Variants in JPT1 observed in about 807,000 individuals in gnomAD.
The protein encoded by JPT1 is androgen-regulated protein 2.
A neutral mutation model predicts 17.0 loss-of-function variants in JPT1; 5 were observed. The observed-to-expected ratio is 0.29, with a 90% CI of 0.15 to 0.62. JPT1 has a LOEUF of 0.62. Among genes scored for constraint, JPT1 ranks in the 20% least tolerant of loss-of-function variants. The pLI is 0.85. For synonymous variants in JPT1, 71 were observed against 73.6 expected, an observed-to-expected ratio of 0.96 and a Z score of 0.18; for missense variants, 158 against 188.1, an observed-to-expected ratio of 0.84 and a Z score of 0.94.
chr17:75,139,705 A>C (rs1039998421), intron 4 of JPT1, among the ~76,000 whole-genome samples: 14 of 152,026 alleles, frequency 9.2e-5, no homozygotes, highest in African/African-American at 3.4e-4. Context: ...GTATTCACAG[A>C]TACTCGGGAG....
chr17:75,152,906 T>C (rs188565829), intron 1 of JPT1: 2 of 152,308 alleles, frequency 1.3e-5, no homozygotes, highest in Non-Finnish European at 2.9e-5. Flanking sequence ...TAATCTTACC[T>C]AGTCTTTTTG....
intron 4 of JPT1, among the ~76,000 whole-genome samples, chr17:75,137,534 T>G (rs9896254): frequency 0.5 from 75,496 of 150,436 alleles, 21,554 homozygotes; most frequent in Non-Finnish European, 0.65. Context: ...TTTTGTTTTT[T>G]TTTTTTTTTT....
In JPT1 at chr17:75,154,461, C is replaced by T; in HGVS notation, c.-64G>A. ...CGCTCAAAGGGTCGGACCCGAGGGGCGCTGGGAAACTCCACACCCAACAGC... is the reference window on the plus strand; with the variant it reads ...CGCTCAAAGGGTCGGACCCGAGGGGTGCTGGGAAACTCCACACCCAACAGC... On this transcript the variant is annotated 5_prime_UTR_variant, in exon 1 of 5. Transcript: ENST00000409753. 6.9e-7 allele frequency: 1 copy of T among 1,455,848 alleles called. No individual in the cohort carries two copies. The highest frequency in any genetic ancestry group is 9.3e-7 in the Non-Finnish European group (1 of 1,076,960). The allele number at this position is 1,455,848 out of a possible 1,614,324, so 90.2% of individuals were successfully genotyped here. A position where few individuals can be genotyped will look rare whatever the true frequency, so the allele number is the denominator to read the frequency against.
At chr17:75,144,513 A>C (rs556183939) in intron 4 of JPT1, among the ~76,000 whole-genome samples, 1 of 152,220 alleles carries the variant, frequency 6.6e-6, no homozygotes, top group East Asian at 1.9e-4. Flanking sequence ...TTCAGTTTAG[A>C]AAAAAATAAA....
intron 4 of JPT1, chr17:75,142,892 AC>A: frequency 7.4e-6 from 3 of 405,526 alleles, no homozygotes; most frequent in South Asian, 5.2e-5. Flanking sequence ...AAATACACAC[AC>A]ACACACACAA....
At position 75,136,078 on chromosome 17, in the gene JPT1, C is replaced by T. The variant is rs538402976; in HGVS notation, c.*24G>A. 6 of 1,614,162 alleles carry T rather than the reference C, an allele frequency of 3.7e-6. No homozygotes were observed. The African/African-American group carries it at 4.0e-5, about 11-fold the overall frequency. ...ACAAGCATGGAGGAAACAGACAGAA[C>T]GACAGCGTTCAGGACAGTCAGAGCT... On this transcript the variant is annotated 3_prime_UTR_variant, in exon 5 of 5. Transcript: ENST00000409753.
At chr17:75,151,347 G>GATAATA (rs202245320) in intron 1 of JPT1, among the ~76,000 whole-genome samples, 6 of 150,232 alleles carry the variant, frequency 4.0e-5, no homozygotes, top group South Asian at 2.1e-4. Context: ...AAATAATAAT[G>GATAATA]ATAATAATAA....
chr17:75,138,005 A>G (rs2074240048), intron 4 of JPT1, among the ~76,000 whole-genome samples: 1 of 150,798 alleles, frequency 6.6e-6, no homozygotes, highest in African/African-American at 2.4e-5. Context: ...TGTCCAGGCT[A>G]GAGTGCAACA....
chr17:75,146,758 G>C, intron 3 of JPT1, 74 bp from the exon 4 acceptor site: 1 of 899,042 alleles, frequency 1.1e-6, no homozygotes, highest in Non-Finnish European at 1.8e-6. Context: ...ATAGTTCATA[G>C]CAGCTAACAT....
At chr17:75,142,611 GAGAGAGGAGGGGAGGGAGGGGA>G in intron 4 of JPT1, 5 of 227,868 alleles carry the variant, frequency 2.2e-5, no homozygotes, top group South Asian at 1.1e-4. Flanking sequence ...GGGGAAGGGG[GAGAGAGGAGGGGAGGGAGGGGA>G]GGGAGGGGAG....
At position 75,148,690 on chromosome 17, in the gene JPT1, CAT is replaced by C; in HGVS notation, c.57-21_57-20del. The stretch of plus-strand genomic sequence containing the variant: ...CAAAACTCTGCAAATAATGGCAAAA[CAT>C]CAACTTCAGATCATACTGAAACATT... On this transcript the variant is annotated intron_variant, in intron 1 of 4. Coordinates refer to ENST00000409753, the MANE Select transcript of JPT1 (RefSeq NM_016185.4). The C allele has an allele frequency of 6.2e-7, 1 of 1,613,338 alleles. No homozygotes were observed. The highest frequency in any genetic ancestry group is 8.5e-7 in the Non-Finnish European group (1 of 1,179,714).
At chr17:75,153,725 G>A (rs117213586) in intron 1 of JPT1, 5,364 of 152,450 alleles carry the variant, frequency 0.035, 141 homozygotes, top group Non-Finnish European at 0.053. Context: ...CCTCAATGGG[G>A]GGTGAAGGGT....
chr17:75,150,785 T>G (rs1598208637), intron 1 of JPT1, among the ~76,000 whole-genome samples: 1 of 151,716 alleles, frequency 6.6e-6, no homozygotes, highest in South Asian at 2.1e-4. Flanking sequence ...CCTTTACTGG[T>G]GATATGAGTG....
At chr17:75,141,220 G>C (rs1254090180) in intron 4 of JPT1, 1 of 152,250 alleles carries the variant, frequency 6.6e-6, no homozygotes, top group African/African-American at 2.4e-5. Flanking sequence ...AGTGAGTGGT[G>C]ATTGTGCCAC....
Position 75,151,227 on chromosome 17 carries a change from G to A in JPT1, c.57-2556C>T, listed in dbSNP as rs371595716. On this transcript the variant is annotated intron_variant, in intron 1 of 4. Transcript: ENST00000409753. Reference sequence around the variant, plus strand: ...GTGAACCTGTAATCCCAGCTACTCCGGAGGCTGAGGTAGGAGAATCGCTTG... The same window carrying A: ...GTGAACCTGTAATCCCAGCTACTCCAGAGGCTGAGGTAGGAGAATCGCTTG... 3.3e-5 allele frequency among the ~76,000 whole-genome samples: 5 copies of A among 152,226 alleles called. No individual in the cohort carries two copies. In the East Asian group the frequency reaches 7.7e-4, roughly 23 times the overall value.
intron 1 of JPT1, chr17:75,153,696 A>AG (rs1555652678): frequency 1.3e-5 from 2 of 152,274 alleles, no homozygotes; most frequent in African/African-American, 4.8e-5. Context: ...CACTTCGAAG[A>AG]GGGGAAGAAC....
At chr17:75,149,615 C>G (rs1009237039) in intron 1 of JPT1, among the ~76,000 whole-genome samples, 1 of 152,160 alleles carries the variant, frequency 6.6e-6, no homozygotes, top group Non-Finnish European at 1.5e-5. Flanking sequence ...GATCCACTCA[C>G]CTCGGCCTCC....
At chr17:75,151,447 A>G (rs1285082682) in intron 1 of JPT1, among the ~76,000 whole-genome samples, 1 of 152,070 alleles carries the variant, frequency 6.6e-6, no homozygotes, top group Non-Finnish European at 1.5e-5. Flanking sequence ...CACAAGGTCA[A>G]GAGATCAAGA....
chr17:75,151,010 C>G (rs1261695739), intron 1 of JPT1, among the ~76,000 whole-genome samples: 1 of 151,852 alleles, frequency 6.6e-6, no homozygotes, highest in Non-Finnish European at 1.5e-5. Flanking sequence ...CCCGCCGGAA[C>G]GCCCGGCTAA....
Sources: gnomAD v4.1 joint callset for allele counts (sites outside exome capture counted in the v4.1 genomes callset) on GRCh38, gnomAD v4.1.1 for gene constraint, MANE v1.5 for transcripts, NCBI Gene and HGNC (gene_info 2026-07-23, HGNC 2026-07-21) for gene names.